SUGCT: variants seen among roughly 807,000 people sequenced by gnomAD.
SUGCT encodes succinyl-CoA:glutarate-CoA transferase.
SUGCT carries 41 observed loss-of-function variants against 55.0 expected under a neutral mutation model. The observed-to-expected ratio is 0.74, with a 90% CI of 0.58 to 0.97. SUGCT has a LOEUF of 0.97. Among genes scored for constraint, SUGCT ranks in the 50% least tolerant of loss-of-function variants. The pLI is 0.00. For missense variants in SUGCT, 568 were observed against 547.8 expected (o/e 1.04, Z -0.37); for synonymous variants, 187 against 200.4 (o/e 0.93, Z 0.56).
chr7:40,836,901 A>T (rs535058296), intron 13 of SUGCT, among the ~76,000 whole-genome samples: 1 of 152,148 alleles, frequency 6.6e-6, no homozygotes, highest in Non-Finnish European at 1.5e-5. Context: ...ATGAACATTC[A>T]TGAGCAGATT....
chr7:40,309,650 A>G (rs1795035688), intron 8 of SUGCT, among the ~76,000 whole-genome samples: 1 of 152,196 alleles, frequency 6.6e-6, no homozygotes, highest in Non-Finnish European at 1.5e-5. Context: ...TGACACTGAA[A>G]TAAATATTTG....
intron 6 of SUGCT, among the ~76,000 whole-genome samples, chr7:40,195,904 G>T (rs986241661): frequency 6.6e-6 from 1 of 151,694 alleles, no homozygotes; most frequent in African/African-American, 2.4e-5. Flanking sequence ...AGTAGAGACA[G>T]TGTTTCACCA....
intron 9 of SUGCT, 61 bp from the exon 10 acceptor site, chr7:40,449,226 T>A: frequency 8.9e-7 from 1 of 1,123,644 alleles, no homozygotes; most frequent in Admixed American, 2.1e-5. Flanking sequence ...TTTTAGAAAT[T>A]AAACTTTTGT....
At chr7:40,695,717 A>T (rs1001681355) in intron 12 of SUGCT, among the ~76,000 whole-genome samples, 2 of 152,160 alleles carry the variant, frequency 1.3e-5, no homozygotes, top group African/African-American at 2.4e-5. Flanking sequence ...TGTTGGCACT[A>T]CTGACATTTT....
At chr7:40,743,633 A>G (rs1032663842) in intron 12 of SUGCT, among the ~76,000 whole-genome samples, 3 of 152,184 alleles carry the variant, frequency 2.0e-5, no homozygotes, top group Non-Finnish European at 4.4e-5. Context: ...GCACATTAGT[A>G]TGTATTTAAT....
chr7:40,624,801 ACACACACACACG>A lies in SUGCT; in HGVS notation c.1090-124627_1090-124616del, dbSNP rs754761997. Among the ~76,000 whole-genome samples the A allele has an allele frequency of 7.4e-4, 109 of 147,340 alleles. 1 individual carries two copies. The highest frequency in any genetic ancestry group is 3.5e-3 in the Middle Eastern group (1 of 288). On this transcript the variant is annotated intron_variant, in intron 12 of 13. Transcript: ENST00000335693. ...CACACACACACACACACACACACACACACACACACACGCACACCACAAACACGCCAAGCTGAG... is the reference window on the plus strand; with the variant it reads ...CACACACACACACACACACACACACACACACCACAAACACGCCAAGCTGAG...
chr7:40,227,456 T>G (rs1788446498), intron 6 of SUGCT, among the ~76,000 whole-genome samples: 1 of 151,894 alleles, frequency 6.6e-6, no homozygotes, highest in African/African-American at 2.4e-5. Flanking sequence ...CCTTGACCCC[T>G]TGGGTTCAAG....
chr7:40,657,365 A>T (rs1304879135), intron 12 of SUGCT, among the ~76,000 whole-genome samples: 3 of 152,144 alleles, frequency 2.0e-5, no homozygotes, highest in Non-Finnish European at 4.4e-5. Flanking sequence ...TTTGAGATTG[A>T]CAATAATGTC....
At chr7:41,021,914 A>T in the SUGCT span, among the ~76,000 whole-genome samples, 1 of 152,186 alleles carries the variant, frequency 6.6e-6, no homozygotes, top group Non-Finnish European at 1.5e-5. Context: ...GCATGGAGTG[A>T]TACATAAATT....
chr7:40,537,759 A>C (rs1196100569), intron 12 of SUGCT, among the ~76,000 whole-genome samples: 1 of 152,228 alleles, frequency 6.6e-6, no homozygotes, highest in Non-Finnish European at 1.5e-5. Flanking sequence ...TCAGGAAACT[A>C]TCTGATCATG....
chr7:41,009,274 C>A, the SUGCT span, among the ~76,000 whole-genome samples: 1 of 149,920 alleles, frequency 6.7e-6, no homozygotes, highest in Admixed American at 6.6e-5. Context: ...GATTCGATTT[C>A]ACAGTCTATG....
intron 7 of SUGCT, among the ~76,000 whole-genome samples, chr7:40,267,745 G>A (rs762776152): frequency 4.6e-5 from 7 of 152,034 alleles, no homozygotes; most frequent in Non-Finnish European, 8.8e-5. Context: ...TCACAGTGTC[G>A]TTCTCTGTGG....
At chr7:40,746,353 G>C (rs1252081358) in intron 12 of SUGCT, among the ~76,000 whole-genome samples, 1 of 152,126 alleles carries the variant, frequency 6.6e-6, no homozygotes, top group Non-Finnish European at 1.5e-5. Flanking sequence ...ATTCTGACCT[G>C]ATTCAAGAAG....
intron 13 of SUGCT, among the ~76,000 whole-genome samples, chr7:40,785,821 C>G (rs938462332): frequency 1.3e-5 from 2 of 152,122 alleles, no homozygotes; most frequent in African/African-American, 4.8e-5. Context: ...GGTATGGTAG[C>G]TCATGCCAGT....
the SUGCT span, among the ~76,000 whole-genome samples, chr7:40,891,668 A>G: frequency 6.6e-6 from 1 of 152,206 alleles, no homozygotes; most frequent in African/African-American, 2.4e-5. Context: ...AATACTAAAG[A>G]GAGTTTGAGT....
chr7:40,501,640 CCCTT>C (rs1051043056), intron 12 of SUGCT, among the ~76,000 whole-genome samples: 2 of 152,202 alleles, frequency 1.3e-5, no homozygotes, highest in Admixed American at 6.5e-5. Context: ...ATTCAATCAT[CCCTT>C]CCTTCATTCA....
chr7:40,485,417 C>CTTTTTTT (rs397889166), intron 11 of SUGCT, among the ~76,000 whole-genome samples: 25 of 74,444 alleles, frequency 3.4e-4, no homozygotes, highest in Non-Finnish European at 4.2e-4. Flanking sequence ...TATATACATT[C>CTTTTTTT]TTTTTTTTTT....
chr7:40,233,799 C>A (rs896176332), intron 6 of SUGCT, among the ~76,000 whole-genome samples: 9 of 152,152 alleles, frequency 5.9e-5, no homozygotes, highest in African/African-American at 1.9e-4. Context: ...CAAATTAAAT[C>A]CTCATAAGAA....
At chr7:40,418,387 C>T (rs1324836430) in intron 9 of SUGCT, among the ~76,000 whole-genome samples, 1 of 152,046 alleles carries the variant, frequency 6.6e-6, no homozygotes, top group Non-Finnish European at 1.5e-5. Flanking sequence ...GAATTTTTGC[C>T]CCTTCATTAT....
Sources: gnomAD v4.1 joint callset for allele counts (sites outside exome capture counted in the v4.1 genomes callset) on GRCh38, gnomAD v4.1.1 for gene constraint, MANE v1.5 for transcripts, NCBI Gene and HGNC (gene_info 2026-07-23, HGNC 2026-07-21) for gene names.